The following FAM118B variants were observed in gnomAD, a reference collection of about 807,000 sequenced individuals.
FAM118B encodes SIR2 antiphage like 1.
In FAM118B, 24 loss-of-function variants were observed where a neutral mutation model predicts 38.5. The ratio of observed to expected loss-of-function variants is 0.62; its 90% CI spans 0.45 to 0.88. The LOEUF is 0.88. Among genes scored for constraint, FAM118B ranks in the 40% least tolerant of loss-of-function variants. The pLI is 0.00. For synonymous variants in FAM118B, 138 were observed against 156.3 expected (o/e 0.88, Z 0.87); for missense variants, 334 against 420.0 (o/e 0.80, Z 1.79).
chr11:126,235,326 T>C (rs1950259199), intron 3 of FAM118B, among the ~76,000 whole-genome samples: 1 of 152,204 alleles, frequency 6.6e-6, no homozygotes, highest in African/African-American at 2.4e-5. Flanking sequence ...CACTTTCAAC[T>C]TTACCTGTTT....
At chr11:126,260,110 C>T (rs2135223988) in intron 7 of FAM118B, among the ~76,000 whole-genome samples, 1 of 152,004 alleles carries the variant, frequency 6.6e-6, no homozygotes, top group South Asian at 2.1e-4. Flanking sequence ...TGGCTCACCA[C>T]AGCCTTGACC....
intron 3 of FAM118B, among the ~76,000 whole-genome samples, chr11:126,237,015 C>G (rs539045184): frequency 6.8e-6 from 1 of 147,024 alleles, no homozygotes; most frequent in Non-Finnish European, 1.5e-5. Flanking sequence ...CTCCCGGGTT[C>G]ACACCATTCT....
At position 126,253,550 on chromosome 11, in the gene FAM118B, G is replaced by A. The variant is rs944791467; in HGVS notation, c.568-755G>A. Among the ~76,000 whole-genome samples the A allele has an allele frequency of 1.3e-4, 20 of 152,134 alleles. No homozygotes were observed. The highest frequency in any genetic ancestry group is 3.9e-4 in the African/African-American group (16 of 41,422). On this transcript the variant is annotated intron_variant, in intron 5 of 8. Coordinates refer to ENST00000533050, the MANE Select transcript of FAM118B (RefSeq NM_024556.4). The surrounding 1 kb of genome is among the most constrained non-coding windows in gnomAD (Gnocchi z 5.1). ...ATCTATTGCTGTACAAGTAATGGCC[G>A]TGAAACTTTGTGGCTTGTAACAACA...
intron 4 of FAM118B, among the ~76,000 whole-genome samples, chr11:126,249,731 CA>C (rs71048775): frequency 0.11 from 8,631 of 78,838 alleles, 102 homozygotes; most frequent in Non-Finnish European, 0.15. Flanking sequence ...GACTCCGTCT[CA>C]AAAAAAAAAA....
chr11:126,240,180 T>G (rs1053406430), intron 3 of FAM118B, among the ~76,000 whole-genome samples: 2 of 152,168 alleles, frequency 1.3e-5, no homozygotes, highest in Non-Finnish European at 2.9e-5. Context: ...AAGGAATGTT[T>G]TTCACTTTTT....
chr11:126,233,747 C>A (rs1015714705), intron 2 of FAM118B: 1 of 456,016 alleles, frequency 2.2e-6, no homozygotes, highest in Non-Finnish European at 4.4e-6. Context: ...TTCTGTTTAC[C>A]ACAAAAAATT....
intron 1 of FAM118B, among the ~76,000 whole-genome samples, chr11:126,218,150 C>A (rs1417956898): frequency 1.3e-5 from 2 of 152,136 alleles, no homozygotes; most frequent in Non-Finnish European, 2.9e-5. Context: ...TTCTTTGATA[C>A]CTTTTTGTAA....
At chr11:126,214,512 T>TTTACCTCTA (rs1949951041) in intron 1 of FAM118B, 1 of 44,686 alleles carries the variant, frequency 2.2e-5, no homozygotes, top group African/African-American at 6.5e-5. Flanking sequence ...TGTTTTTTTT[T>TTTACCTCTA]TGTTTTTTTT....
At chr11:126,247,616 T>C (rs1404568691) in intron 4 of FAM118B, among the ~76,000 whole-genome samples, 1 of 151,952 alleles carries the variant, frequency 6.6e-6, no homozygotes, top group Non-Finnish European at 1.5e-5. Flanking sequence ...TCCCAACACT[T>C]TGGGAGGCCG....
intron 6 of FAM118B, 57 bp downstream of exon 6, chr11:126,254,490 A>G (rs1334310558): frequency 2.5e-6 from 4 of 1,602,900 alleles, no homozygotes; most frequent in Non-Finnish European, 3.4e-6. Context: ...ATCTCTCTAA[A>G]TATGCCATAG....
chr11:126,228,932 C>A (rs1950176236), intron 1 of FAM118B, among the ~76,000 whole-genome samples: 1 of 152,174 alleles, frequency 6.6e-6, no homozygotes, highest in African/African-American at 2.4e-5. Flanking sequence ...TTGGAAGAAT[C>A]TGCATTTGTA....
intron 1 of FAM118B, chr11:126,214,488 C>CTTTTTT (rs1565322268): frequency 5.7e-5 from 2 of 34,854 alleles, no homozygotes; most frequent in Admixed American, 3.5e-4. Flanking sequence ...TCTTTTGTTT[C>CTTTTTT]TGTTTTTTTT....
At chr11:126,240,290 CTGAGGT>C (rs1208593058) in intron 3 of FAM118B, among the ~76,000 whole-genome samples, 1 of 148,604 alleles carries the variant, frequency 6.7e-6, no homozygotes, top group Non-Finnish European at 1.5e-5. Flanking sequence ...TTTTTTTTGC[CTGAGGT>C]TAATGTTTAC....
intron 1 of FAM118B, among the ~76,000 whole-genome samples, chr11:126,227,788 A>C (rs908867270): frequency 1.2e-4 from 19 of 152,040 alleles, no homozygotes; most frequent in Non-Finnish European, 2.4e-4. Flanking sequence ...AAAATTTTTT[A>C]ATTTTCAAAA....
At chr11:126,226,600 C>G (rs1950145309) in intron 1 of FAM118B, among the ~76,000 whole-genome samples, 1 of 152,242 alleles carries the variant, frequency 6.6e-6, no homozygotes, top group Admixed American at 6.5e-5. Context: ...CCCAAATCTA[C>G]TAGTCTACTC....
rs1950395693 is a variant in FAM118B at position 126,244,386 on chromosome 11, C to T, written c.339+3342C>T. 6.6e-6 allele frequency among the ~76,000 whole-genome samples: 1 copy of T among 152,142 alleles called. No homozygotes were observed. Among genetic ancestry groups the T allele is most frequent in the South Asian group, 2.1e-4 (1 of 4,826 alleles). On this transcript the variant is annotated intron_variant, in intron 4 of 8. Transcript: ENST00000533050. This position sits in a 1 kb window ranked among gnomAD's most constrained non-coding sequence, Gnocchi z 4.5. ...AACAAGCTTAGCAAGGTTGGAGAAT[C>T]CGGGATCAATATATAAAAATAGTAT...
At chr11:126,262,970 T>C (rs1262643004), downstream of FAM118B, 1 of 152,680 alleles carries the variant, frequency 6.5e-6, no homozygotes, top group Non-Finnish European at 1.5e-5. Flanking sequence ...TTATATAAAT[T>C]ACTTATTTCT....
chr11:126,228,877 G>A lies in FAM118B; in HGVS notation c.-76-348G>A, dbSNP rs193053191. On this transcript the variant is annotated intron_variant, in intron 1 of 8. Transcript: ENST00000533050. ...GCCTGGCCTCAAATTTTAACTCATA[G>A]AGAATATCCTTTATAATGATGGCAT... 4.2e-3 allele frequency among the ~76,000 whole-genome samples: 641 copies of A among 152,300 alleles called. 6 individuals are homozygous for A. Among genetic ancestry groups the A allele is most frequent in the African/African-American group, 0.015 (608 of 41,566 alleles).
Position 126,211,914 on chromosome 11 carries a change from G to A in FAM118B, c.-77+84G>A, listed in dbSNP as rs1315520895. 1.4e-5 allele frequency: 7 copies of A among 487,358 alleles called. No individual in the cohort carries two copies. The East Asian group carries it at 2.1e-4, about 15-fold the overall frequency. The allele number at this position is 487,358 out of a possible 1,614,324, so 30.2% of individuals were successfully genotyped here. The stretch of plus-strand genomic sequence containing the variant: ...CGTTTTCTGCGTCCCCGGGATTTCC[G>A]TTCAAGAAGAGCACTGGTCTGAGAA... On this transcript the variant is annotated intron_variant, in intron 1 of 8. Coordinates refer to ENST00000533050, the MANE Select transcript of FAM118B (RefSeq NM_024556.4).
Sources: allele counts gnomAD v4.1 joint callset (sites outside exome capture counted in the v4.1 genomes callset), GRCh38; gene constraint gnomAD v4.1.1; non-coding constraint Gnocchi (gnomAD v3.1); transcripts MANE v1.5; gene names NCBI Gene and HGNC (gene_info 2026-07-23, HGNC 2026-07-21).